PBLD: variants seen among roughly 807,000 people sequenced by gnomAD.
The protein encoded by PBLD is phenazine biosynthesis-like domain-containing protein.
A neutral mutation model predicts 31.3 loss-of-function variants in PBLD; 26 were observed. That is an observed-to-expected ratio of 0.83 (90% confidence interval 0.61 to 1.15). The LOEUF is 1.15. PBLD is among the 50% of genes most tolerant of loss of function. The pLI is 0.00. For synonymous variants in PBLD, 114 were observed against 129.0 expected, an observed-to-expected ratio of 0.88 and a Z score of 0.79; for missense variants, 307 against 351.7, an observed-to-expected ratio of 0.87 and a Z score of 1.02.
Position 68,292,174 on chromosome 10 carries a change from C to T in PBLD, c.348G>A (p.Glu116=), listed in dbSNP as rs748145388. The T allele has an allele frequency of 6.8e-6, 11 of 1,613,866 alleles. No homozygotes were observed. In the South Asian group the frequency reaches 9.9e-5, roughly 14 times the overall value. The change falls in exon 5 of 10, where the codon GAG becomes GAA. Residue 116 remains glutamate, a synonymous_variant. Transcript: ENST00000358769. ...GAGGCAAGTCCAGGACGATGCCATC[C>T]TCTGCTCGTCTGGCCCTTAGTTCTC... The part of the protein sequence containing the change: ...LSGELRARRA[E]DGIVLDLPLY...
chr10:68,319,112 GA>G (rs1446443452), intron 1 of PBLD, among the ~76,000 whole-genome samples: 1 of 48,404 alleles, frequency 2.1e-5, no homozygotes, highest in African/African-American at 1.1e-4. Flanking sequence ...AGAAAGAAAG[GA>G]AAAAGAAAGA....
At chr10:68,285,285 T>C (rs759658903) in intron 9 of PBLD, 63 bp downstream of exon 9, 43 of 1,613,588 alleles carry the variant, frequency 2.7e-5, no homozygotes, top group African/African-American at 6.7e-5. Context: ...ATAGTACATA[T>C]GAGAAGGAAC....
rs767722922 is a variant in PBLD, at chr10:68,319,057, A to G, written c.-59-12154T>C. 7.4e-3 allele frequency among the ~76,000 whole-genome samples: 444 copies of G among 59,714 alleles called. 3 individuals are homozygous for G. Among genetic ancestry groups the G allele is most frequent in the African/African-American group, 0.033 (372 of 11,150 alleles). 39.2% of individuals were successfully genotyped at this position (59,714 alleles called of 152,430 possible). A position where few individuals can be genotyped will look rare whatever the true frequency, so the allele number is the denominator to read the frequency against. On this transcript the variant is annotated intron_variant, in intron 1 of 9. Coordinates refer to ENST00000358769, the MANE Select transcript of PBLD (RefSeq NM_022129.4). ...GGAAAGAAAGAAAGAAAGAGAGAGA[A>G]AGAAAGAAAGAAAGAAAGAAAGAAA... is the stretch of plus-strand genomic sequence containing the variant.
chr10:68,306,286 CTACTT>C (rs1318326273), intron 2 of PBLD, among the ~76,000 whole-genome samples: 6 of 152,278 alleles, frequency 3.9e-5, no homozygotes, highest in Admixed American at 2.0e-4. Flanking sequence ...TTCTACCTCT[CTACTT>C]AACTACTTAA....
At chr10:68,325,398 T>C (rs1237710143) in intron 1 of PBLD, among the ~76,000 whole-genome samples, 1 of 151,790 alleles carries the variant, frequency 6.6e-6, no homozygotes, top group African/African-American at 2.4e-5. Flanking sequence ...ACCCCGTGTC[T>C]ACCTAAAAAT....
rs1032979750 is a variant in PBLD at position 68,284,087 on chromosome 10, C to T, written c.*90G>A. On this transcript the variant is annotated 3_prime_UTR_variant, in exon 10 of 10. Coordinates refer to ENST00000358769, the MANE Select transcript of PBLD (RefSeq NM_022129.4). ...AACATGAGGATTAAGTAGACTACTA[C>T]GCACATTTGCTAAAGGCAGCCCCTT... 54 of 1,206,646 alleles carry T rather than the reference C, an allele frequency of 4.5e-5. No individual in the cohort carries two copies. The highest frequency in any genetic ancestry group is 1.4e-4 in the East Asian group (6 of 42,346). The allele number at this position is 1,206,646 out of a possible 1,614,324, so 74.7% of individuals were successfully genotyped here.
At chr10:68,316,557 G>C (rs1239797624) in intron 1 of PBLD, among the ~76,000 whole-genome samples, 1 of 152,166 alleles carries the variant, frequency 6.6e-6, no homozygotes, top group Non-Finnish European at 1.5e-5. Context: ...AAAAGAGAAA[G>C]TGGCAGAGAA....
intron 6 of PBLD, 98 bp downstream of exon 6, chr10:68,291,912 A>G (rs754174477): frequency 1.5e-6 from 2 of 1,293,022 alleles, no homozygotes; most frequent in Non-Finnish European, 1.1e-6. Flanking sequence ...TAACATTTAT[A>G]TTGGTAAAAT....
chr10:68,325,777 CT>C (rs1274813780), intron 1 of PBLD, among the ~76,000 whole-genome samples: 1 of 152,144 alleles, frequency 6.6e-6, no homozygotes, highest in Non-Finnish European at 1.5e-5. Flanking sequence ...AATGCTTTTC[CT>C]ATTTTTCATT....
At chr10:68,308,878 G>GTGTGTGTA (rs1207525899) in intron 1 of PBLD, among the ~76,000 whole-genome samples, 3 of 149,062 alleles carry the variant, frequency 2.0e-5, no homozygotes, top group Non-Finnish European at 4.4e-5. Flanking sequence ...GTGTGTGTGT[G>GTGTGTGTA]TGTTTGTGTG....
chr10:68,319,082 A>G (rs1031660007), intron 1 of PBLD, among the ~76,000 whole-genome samples: 89 of 131,656 alleles, frequency 6.8e-4, no homozygotes, highest in Non-Finnish European at 1.1e-3. Context: ...AAAGAAAGAA[A>G]GAAAGAAAGA....
intron 6 of PBLD, 35 bp downstream of exon 6, chr10:68,291,973 CAA>C: frequency 6.5e-7 from 1 of 1,540,060 alleles, no homozygotes; most frequent in East Asian, 2.2e-5. Context: ...CAAACAATAA[CAA>C]ATAACTAGGC....
At chr10:68,318,641 T>A (rs1263348592) in intron 1 of PBLD, among the ~76,000 whole-genome samples, 1 of 152,070 alleles carries the variant, frequency 6.6e-6, no homozygotes, top group Non-Finnish European at 1.5e-5. Flanking sequence ...GAGGTGGGAA[T>A]GGAGCTATAT....
chr10:68,302,176 C>T (rs2044513858), intron 2 of PBLD, among the ~76,000 whole-genome samples: 1 of 152,206 alleles, frequency 6.6e-6, no homozygotes, highest in Non-Finnish European at 1.5e-5. Context: ...CTGCACAAAA[C>T]AGTTACAAAC....
intron 1 of PBLD, among the ~76,000 whole-genome samples, chr10:68,316,927 C>A (rs535317106): frequency 9.2e-5 from 14 of 152,254 alleles, no homozygotes; most frequent in East Asian, 3.9e-4. Flanking sequence ...GCACAGGAAT[C>A]GCTTGAGACC....
At chr10:68,291,858 C>CAG (rs2044362439) in intron 6 of PBLD, 152 bp downstream of exon 6, 1 of 885,874 alleles carries the variant, frequency 1.1e-6, no homozygotes, top group Admixed American at 2.8e-5. Context: ...GGTCAACCTT[C>CAG]TCACCAAATA....
chr10:68,303,135 G>T (rs1418628104), intron 2 of PBLD, among the ~76,000 whole-genome samples: 1 of 151,870 alleles, frequency 6.6e-6, no homozygotes, highest in African/African-American at 2.4e-5. Flanking sequence ...GTGCAGTGGT[G>T]CTCTCTGGGC....
chr10:68,332,760 C>T (rs1039560653), intron 1 of PBLD, 24 bp downstream of exon 1: 2 of 152,308 alleles, frequency 1.3e-5, no homozygotes, highest in African/African-American at 4.8e-5. Context: ...GGCCTCCCTT[C>T]CTCCGCAGTC....
Position 68,289,028 on chromosome 10 carries a change from A to G in PBLD, c.424-9T>C. 6.2e-7 allele frequency: 1 copy of G among 1,611,130 alleles called. No individual in the cohort carries two copies. Among genetic ancestry groups the G allele is most frequent in the Non-Finnish European group, 8.5e-7 (1 of 1,177,726 alleles). On this transcript the variant is annotated splice_polypyrimidine_tract_variant and intron_variant, in intron 6 of 9. Transcript: ENST00000358769. Reference sequence around the variant, plus strand: ...GTGTTGCCTATGGCAGTCTGTGGAGACAGACCAAAAACTCCTCAGGGACAT... The same window carrying G: ...GTGTTGCCTATGGCAGTCTGTGGAGGCAGACCAAAAACTCCTCAGGGACAT...
Sources: allele counts gnomAD v4.1 joint callset (sites outside exome capture counted in the v4.1 genomes callset), GRCh38; gene constraint gnomAD v4.1.1; transcripts MANE v1.5; gene names NCBI Gene and HGNC (gene_info 2026-07-23, HGNC 2026-07-21).